The following SCIN variants were observed in gnomAD, a reference collection of about 807,000 sequenced individuals.
SCIN encodes the protein scinderin.
In SCIN, 91 loss-of-function variants were observed where a neutral mutation model predicts 91.8. The ratio of observed to expected loss-of-function variants is 0.99; its 90% CI spans 0.84 to 1.18. The LOEUF (loss-of-function observed/expected upper bound fraction) is 1.18. Ranked by LOEUF, SCIN falls within the 50% of genes most tolerant of loss-of-function variation. The probability of loss-of-function intolerance (pLI) is 0.00; values close to 1 mark genes in which losing one functional copy is unlikely to be tolerated. For missense variants in SCIN, 1,087 were observed against 863.9 expected (o/e 1.26, Z -3.24); for synonymous variants, 367 against 312.6 (o/e 1.17, Z -1.84).
chr7:12,594,338 G>A (rs981019788), intron 3 of SCIN, among the ~76,000 whole-genome samples: 9 of 152,082 alleles, frequency 5.9e-5, no homozygotes, highest in Non-Finnish European at 2.9e-5. Flanking sequence ...GACGGGAGAT[G>A]AGTCAGGTTT....
At position 12,644,136 on chromosome 7, in the gene SCIN, A is replaced by G. The variant is rs1442525244; in HGVS notation, c.1582-2A>G. The G allele has an allele frequency of 1.9e-6, 3 of 1,609,928 alleles. No individual in the cohort carries two copies. The highest frequency in any genetic ancestry group is 1.7e-6 in the Non-Finnish European group (2 of 1,177,510). ...ATTGTTTTATTTTTCTTCATATTCC[A>G]GGTTGATGTTGATGCAAATTCACTG... On this transcript the variant is annotated splice_acceptor_variant, in intron 11 of 15. Transcript: ENST00000297029. LOFTEE classifies it high-confidence loss of function.
chr7:12,659,159 T>A lies in SCIN; in HGVS notation c.*6444T>A, dbSNP rs1228478122. The A allele has an allele frequency of 6.6e-6, 1 of 152,286 alleles. No individual in the cohort carries two copies. The highest frequency in any genetic ancestry group is 2.4e-5 in the African/African-American group (1 of 41,450). The allele number at this position is 152,286 out of a possible 1,614,324, so 9.4% of individuals were successfully genotyped here. A position where few individuals can be genotyped will look rare whatever the true frequency, so the allele number is the denominator to read the frequency against. The stretch of plus-strand genomic sequence containing the variant: ...TTTAAGTAGAGACGGAGTTTTGCCA[T>A]GTTGGCCAGGCTGGTCTTGAACTCC... On this transcript the variant is annotated 3_prime_UTR_variant, in exon 16 of 16. Transcript: ENST00000297029.
At chr7:12,596,346 G>A (rs771280983) in intron 3 of SCIN, 25 of 455,962 alleles carry the variant, frequency 5.5e-5, no homozygotes, top group African/African-American at 2.8e-4. Context: ...TCTCCCTGAC[G>A]TCTGCGTTTA....
intron 14 of SCIN, among the ~76,000 whole-genome samples, chr7:12,650,639 G>A (rs1300335348): frequency 6.6e-6 from 1 of 152,126 alleles, no homozygotes; most frequent in Admixed American, 6.5e-5. Flanking sequence ...ATTTTAAAGT[G>A]ATTTCAAAAA....
intron 4 of SCIN, among the ~76,000 whole-genome samples, chr7:12,621,801 A>C (rs1323496431): frequency 6.6e-6 from 1 of 151,848 alleles, no homozygotes; most frequent in African/African-American, 2.4e-5. Context: ...TGCATCTCTA[A>C]ATTTGAGAGT....
chr7:12,647,624 T>C (rs1783991873), intron 13 of SCIN, among the ~76,000 whole-genome samples: 1 of 152,216 alleles, frequency 6.6e-6, no homozygotes, highest in Non-Finnish European at 1.5e-5. Flanking sequence ...ATTAGAACAG[T>C]GCTGACGTCA....
At chr7:12,625,950 G>A (rs1783513142) in intron 7 of SCIN, 100 bp downstream of exon 7, 2 of 702,346 alleles carry the variant, frequency 2.8e-6, no homozygotes, top group Admixed American at 2.9e-5. Context: ...AGTAACGTCT[G>A]TATGTGAAGT....
In SCIN at chr7:12,643,991, G is replaced by A. The variant is rs535261727; in HGVS notation, c.1582-147G>A. On this transcript the variant is annotated intron_variant, in intron 11 of 15. Transcript: ENST00000297029. Reference sequence around the variant, plus strand: ...CTACTCTAGGGTTTAAAATACCATAGTGGTGTCCCAGAGCGGCTCTGAATT... The same window carrying A: ...CTACTCTAGGGTTTAAAATACCATAATGGTGTCCCAGAGCGGCTCTGAATT... 13 of 675,802 alleles carry A rather than the reference G, an allele frequency of 1.9e-5. No individual in the cohort carries two copies. The African/African-American group carries it at 2.2e-4, about 11-fold the overall frequency. 41.9% of individuals were successfully genotyped at this position (675,802 alleles called of 1,614,324 possible).
chr7:12,604,271 A>C (rs892467695), intron 3 of SCIN, among the ~76,000 whole-genome samples: 1 of 152,142 alleles, frequency 6.6e-6, no homozygotes, highest in African/African-American at 2.4e-5. Flanking sequence ...ATTGTAATTT[A>C]TAGATTATAT....
intron 3 of SCIN, among the ~76,000 whole-genome samples, chr7:12,591,149 G>A (rs1446655523): frequency 6.6e-6 from 1 of 152,178 alleles, no homozygotes; most frequent in African/African-American, 2.4e-5. Flanking sequence ...CAGGATATCA[G>A]TGGAAGAATG....
Position 12,656,420 on chromosome 7 carries a change from AATTT to A in SCIN, c.*3710_*3713del, listed in dbSNP as rs1784163576. 1.3e-5 allele frequency: 2 copies of A among 152,118 alleles called. No individual in the cohort carries two copies. Among genetic ancestry groups the A allele is most frequent in the Admixed American group, 6.6e-5 (1 of 15,264 alleles). 9.4% of individuals were successfully genotyped at this position (152,118 alleles called of 1,614,324 possible). The stretch of plus-strand genomic sequence containing the variant: ...AACCTAATTTATTTATTTTAAACCT[AATTT>A]ATTTTAAACCTAATTTATTTATTTT... On this transcript the variant is annotated 3_prime_UTR_variant, in exon 16 of 16. Transcript: ENST00000297029.
At chr7:12,635,859 G>A (rs1230139591) in intron 9 of SCIN, among the ~76,000 whole-genome samples, 186 bp from the exon 10 acceptor site, 2 of 151,968 alleles carry the variant, frequency 1.3e-5, no homozygotes, top group African/African-American at 2.4e-5. Flanking sequence ...TACAGTTCTA[G>A]ACAACACATA....
At chr7:12,618,097 G>T (rs974856614) in intron 4 of SCIN, among the ~76,000 whole-genome samples, 3 of 152,084 alleles carry the variant, frequency 2.0e-5, no homozygotes, top group Non-Finnish European at 4.4e-5. Context: ...GTTCCCCACT[G>T]CCACAGCATT....
intron 3 of SCIN, among the ~76,000 whole-genome samples, chr7:12,602,549 G>T (rs890240772): frequency 6.6e-6 from 1 of 152,066 alleles, no homozygotes; most frequent in East Asian, 1.9e-4. Context: ...TATTTCAACC[G>T]CATAAGACAG....
chr7:12,571,085 A>G (rs1416843025), intron 1 of SCIN, 100 bp downstream of exon 1: 1 of 1,293,526 alleles, frequency 7.7e-7, no homozygotes, highest in Non-Finnish European at 1.0e-6. Flanking sequence ...GGGGACCGCA[A>G]ACTGAGCTAG....
intron 4 of SCIN, among the ~76,000 whole-genome samples, chr7:12,619,379 T>G (rs912754081): frequency 1.3e-5 from 2 of 151,932 alleles, no homozygotes; most frequent in African/African-American, 4.8e-5. Context: ...AGGTAAAAAA[T>G]AAATAAATAA....
chr7:12,622,151 T>A (rs142768289), intron 4 of SCIN, among the ~76,000 whole-genome samples: 2 of 152,186 alleles, frequency 1.3e-5, no homozygotes, highest in East Asian at 3.9e-4. Context: ...CAGATTCAAA[T>A]GTATTTTCTA....
intron 3 of SCIN, among the ~76,000 whole-genome samples, chr7:12,603,652 T>A (rs191933234): frequency 1.3e-5 from 2 of 152,278 alleles, no homozygotes; most frequent in East Asian, 1.9e-4. Context: ...TTCTGGACAC[T>A]ATACCAAAAT....
At chr7:12,590,640 G>A (rs1782701486) in intron 3 of SCIN, among the ~76,000 whole-genome samples, 1 of 152,068 alleles carries the variant, frequency 6.6e-6, no homozygotes, top group Non-Finnish European at 1.5e-5. Context: ...GGGATAACAG[G>A]AAGGAGAGGG....
Sources: allele counts gnomAD v4.1 joint callset (sites outside exome capture counted in the v4.1 genomes callset), GRCh38; gene constraint gnomAD v4.1.1; transcripts MANE v1.5; gene names NCBI Gene and HGNC (gene_info 2026-07-23, HGNC 2026-07-21).